Variants in SKP2 observed in about 807,000 individuals in gnomAD.
The protein encoded by SKP2 is S-phase kinase associated protein 2.
In SKP2, 16 loss-of-function variants were observed where a neutral mutation model predicts 51.8. The observed-to-expected ratio is 0.31, with a 90% confidence interval of 0.21 to 0.47. The LOEUF (loss-of-function observed/expected upper bound fraction) is 0.47, where lower values mean the gene tolerates loss of function less well. SKP2 is among the 20% of genes least tolerant of loss of function. The pLI is 1.00. For missense variants in SKP2, 377 were observed against 505.3 expected, an observed-to-expected ratio of 0.75 and a Z score of 2.43; for synonymous variants, 176 against 198.6, an observed-to-expected ratio of 0.89 and a Z score of 0.96.
intron 2 of SKP2, among the ~76,000 whole-genome samples, chr5:36,161,590 T>G (rs1373283055): frequency 6.6e-6 from 1 of 152,218 alleles, no homozygotes; most frequent in African/African-American, 2.4e-5. Context: ...AGTTGAGACC[T>G]GGCTGAAAGC....
In SKP2 at chr5:36,182,782, A is replaced by G; in HGVS notation, c.*751A>G. 1 of 977,974 alleles carries G rather than the reference A, an allele frequency of 1.0e-6. No homozygotes were observed. The highest frequency in any genetic ancestry group is 1.2e-6 in the Non-Finnish European group (1 of 823,212). 60.6% of individuals were successfully genotyped at this position (977,974 alleles called of 1,614,324 possible). A position where few individuals can be genotyped will look rare whatever the true frequency, so the allele number is the denominator to read the frequency against. On this transcript the variant is annotated 3_prime_UTR_variant, in exon 10 of 10. Coordinates refer to ENST00000274255, the MANE Select transcript of SKP2 (RefSeq NM_005983.4). ...GAATCTAAATTAGATGAGAAATATA[A>G]TTGTGGTTTTCTAACTTGATAATCA...
At chr5:36,178,692 T>G (rs544718135) in intron 9 of SKP2, among the ~76,000 whole-genome samples, 5 of 152,272 alleles carry the variant, frequency 3.3e-5, no homozygotes, top group Admixed American at 3.3e-4. Flanking sequence ...CCTGCTTCTT[T>G]GCCTGTGCAG....
chr5:36,191,464 G>C (rs1242010041), intron 6 of SKP2, among the ~76,000 whole-genome samples: 1 of 148,276 alleles, frequency 6.7e-6, no homozygotes, highest in African/African-American at 2.5e-5. Flanking sequence ...ATACATACCT[G>C]TCTGTTTCAT....
intron 3 of SKP2, among the ~76,000 whole-genome samples, chr5:36,165,579 C>T (rs186041855): frequency 7.3e-4 from 111 of 152,250 alleles, no homozygotes; most frequent in South Asian, 1.9e-3. Flanking sequence ...AAGAAAGATA[C>T]AAAAGTGTGC....
intron 2 of SKP2, among the ~76,000 whole-genome samples, chr5:36,162,101 CAG>C (rs1182905163): frequency 6.6e-6 from 1 of 152,082 alleles, no homozygotes; most frequent in Non-Finnish European, 1.5e-5. Context: ...ACACAGCAGC[CAG>C]AGTGATCCTT....
chr5:36,161,682 C>T (rs1745125628), intron 2 of SKP2, among the ~76,000 whole-genome samples: 1 of 152,208 alleles, frequency 6.6e-6, no homozygotes, highest in Non-Finnish European at 1.5e-5. Context: ...GGGGGAAAGA[C>T]ATGCTGGTTT....
intron 6 of SKP2, among the ~76,000 whole-genome samples, chr5:36,171,048 G>A (rs16902775): frequency 0.18 from 28,009 of 152,124 alleles, 5,604 homozygotes; most frequent in African/African-American, 0.5. Context: ...CTCTGGATAT[G>A]CGTGTTATCA....
At chr5:36,156,597 A>C (rs1191885710) in intron 2 of SKP2, among the ~76,000 whole-genome samples, 1 of 152,152 alleles carries the variant, frequency 6.6e-6, no homozygotes, top group Non-Finnish European at 1.5e-5. Context: ...CCCAGCAATG[A>C]GGTCAGTAAC....
At chr5:36,160,224 T>C (rs1745080962) in intron 2 of SKP2, among the ~76,000 whole-genome samples, 1 of 152,210 alleles carries the variant, frequency 6.6e-6, no homozygotes, top group Non-Finnish European at 1.5e-5. Flanking sequence ...CTCAAATGTG[T>C]TGAGGAGGCC....
chr5:36,173,696 T>C (rs1745545287), intron 7 of SKP2, among the ~76,000 whole-genome samples: 1 of 152,174 alleles, frequency 6.6e-6, no homozygotes, highest in Admixed American at 6.5e-5. Context: ...ATAGTAGGTA[T>C]TAAAATGCTG....
chr5:36,184,843 C>G (rs772361649), downstream of SKP2, among the ~76,000 whole-genome samples: 6 of 152,220 alleles, frequency 3.9e-5, no homozygotes, highest in Non-Finnish European at 7.3e-5. Context: ...ACCACACTGT[C>G]TTCCACAATG....
At chr5:36,161,573 G>A (rs155542) in intron 2 of SKP2, among the ~76,000 whole-genome samples, 1,539 of 152,320 alleles carry the variant, frequency 0.01, 30 homozygotes, top group African/African-American at 0.036. Context: ...ACAAACCTAG[G>A]AAAACTAGTT....
At chr5:36,169,002 C>T (rs1745382209) in intron 5 of SKP2, among the ~76,000 whole-genome samples, 1 of 152,164 alleles carries the variant, frequency 6.6e-6, no homozygotes, top group African/African-American at 2.4e-5. Flanking sequence ...GGTAAAACTT[C>T]CTGTGTGGTT....
chr5:36,187,009 A>G (rs1383720515), downstream of SKP2, among the ~76,000 whole-genome samples: 1 of 152,174 alleles, frequency 6.6e-6, no homozygotes, highest in African/African-American at 2.4e-5. Flanking sequence ...CATTTCTTCT[A>G]GATTTTCTAG....
intron 1 of SKP2, 79 bp from the exon 2 acceptor site, chr5:36,152,692 C>T: frequency 6.8e-7 from 1 of 1,470,534 alleles, no homozygotes; most frequent in Non-Finnish European, 9.3e-7. Flanking sequence ...AATGCATAAA[C>T]TGCAGCTTCT....
intron 6 of SKP2, among the ~76,000 whole-genome samples, chr5:36,170,946 G>T (rs33669): frequency 6.6e-5 from 10 of 152,096 alleles, no homozygotes; most frequent in African/African-American, 1.9e-4. Flanking sequence ...CACAGTACTA[G>T]GCATATGTGT....
At chr5:36,153,090 G>T in intron 2 of SKP2, 48 bp downstream of exon 2, 1 of 1,572,026 alleles carries the variant, frequency 6.4e-7, no homozygotes, top group Non-Finnish European at 8.7e-7. Flanking sequence ...GGTGGATTTA[G>T]CTATGTTGTT....
downstream of SKP2, among the ~76,000 whole-genome samples, chr5:36,187,720 G>C (rs1326706299): frequency 6.6e-6 from 1 of 152,198 alleles, no homozygotes; most frequent in Non-Finnish European, 1.5e-5. Flanking sequence ...TGTTGATTTG[G>C]GGTGGAGAGT....
chr5:36,180,295 T>G, intron 9 of SKP2: 1 of 1,322,292 alleles, frequency 7.6e-7, no homozygotes, highest in Non-Finnish European at 1.0e-6. Flanking sequence ...TCATCGTAAG[T>G]GATTAAGTAT....
Sources: gnomAD v4.1 joint callset for allele counts (sites outside exome capture counted in the v4.1 genomes callset) on GRCh38, gnomAD v4.1.1 for gene constraint, MANE v1.5 for transcripts, NCBI Gene and HGNC (gene_info 2026-07-23, HGNC 2026-07-21) for gene names.